Variants in MSRA observed in about 807,000 individuals in gnomAD.
MSRA encodes methionine sulfoxide reductase A.
A neutral mutation model predicts 31.3 loss-of-function variants in MSRA; 54 were observed. That is an observed-to-expected ratio of 1.73 (90% confidence interval 1.39 to 2.17). The LOEUF is 2.17. Among genes scored for constraint, MSRA ranks in the 30% most tolerant of loss-of-function variants. MSRA has a pLI of 0.00. For missense variants in MSRA, 507 were observed against 300.9 expected (o/e 1.69, Z -5.07); for synonymous variants, 169 against 116.5 (o/e 1.45, Z -2.90).
intron 4 of MSRA, among the ~76,000 whole-genome samples, chr8:10,316,275 A>G (rs1801707704): frequency 1.3e-5 from 2 of 151,616 alleles, no homozygotes; most frequent in South Asian, 4.2e-4. Flanking sequence ...TCGGAATAAT[A>G]GTGGTTAAGA....
At chr8:10,270,299 A>C (rs1798961637) in intron 3 of MSRA, among the ~76,000 whole-genome samples, 2 of 152,180 alleles carry the variant, frequency 1.3e-5, no homozygotes, top group Admixed American at 1.3e-4. Flanking sequence ...GCACAGAGCC[A>C]CAAAATGCCA....
intron 1 of MSRA, among the ~76,000 whole-genome samples, chr8:10,070,935 G>C (rs75498035): frequency 6.6e-6 from 1 of 152,280 alleles, no homozygotes; most frequent in Non-Finnish European, 1.5e-5. Flanking sequence ...GTCTTTGGCT[G>C]TTACGAGTGA....
chr8:10,269,730 A>G (rs926233469), intron 3 of MSRA, among the ~76,000 whole-genome samples: 2 of 152,104 alleles, frequency 1.3e-5, no homozygotes, highest in African/African-American at 4.8e-5. Flanking sequence ...GGCTCACTGC[A>G]AGCTCCACCT....
intron 1 of MSRA, among the ~76,000 whole-genome samples, chr8:10,111,427 C>G (rs1800271363): frequency 6.6e-6 from 1 of 152,092 alleles, no homozygotes; most frequent in East Asian, 1.9e-4. Flanking sequence ...CAATAGGATG[C>G]TAGGTTCTTG....
At chr8:10,305,646 T>C (rs1011486300) in intron 4 of MSRA, among the ~76,000 whole-genome samples, 4 of 152,208 alleles carry the variant, frequency 2.6e-5, no homozygotes, top group Admixed American at 2.6e-4. Context: ...ACTCCTGACC[T>C]CATGATTCGC....
At chr8:10,073,120 G>C (rs1156374391) in intron 1 of MSRA, among the ~76,000 whole-genome samples, 3 of 151,926 alleles carry the variant, frequency 2.0e-5, no homozygotes, top group African/African-American at 7.3e-5. Flanking sequence ...TTAAATAAAA[G>C]TAGTGATCTG....
chr8:10,378,741 C>T (rs1032820648), intron 5 of MSRA, among the ~76,000 whole-genome samples: 1 of 152,232 alleles, frequency 6.6e-6, no homozygotes, highest in Non-Finnish European at 1.5e-5. Flanking sequence ...GGGCTCCACC[C>T]CAGAACTTCT....
At chr8:10,224,901 C>T (rs985151657) in intron 2 of MSRA, among the ~76,000 whole-genome samples, 6 of 152,136 alleles carry the variant, frequency 3.9e-5, no homozygotes, top group African/African-American at 1.4e-4. Flanking sequence ...CCTGTAATGC[C>T]AGTACTTTGG....
chr8:10,231,951 G>A (rs1016070809), intron 2 of MSRA, among the ~76,000 whole-genome samples: 15 of 152,070 alleles, frequency 9.9e-5, no homozygotes, highest in Admixed American at 2.6e-4. Context: ...ACAGGAAAGC[G>A]TGAAGTGTAT....
At chr8:10,351,207 C>T (rs552157714) in intron 5 of MSRA, among the ~76,000 whole-genome samples, 2 of 141,614 alleles carry the variant, frequency 1.4e-5, no homozygotes, top group Admixed American at 7.1e-5. Context: ...CCAAAAACAT[C>T]ATGTAATGAA....
At chr8:10,074,058 CTTTTTTTTTTTTT>C (rs534642712) in intron 1 of MSRA, among the ~76,000 whole-genome samples, 56 of 29,424 alleles carry the variant, frequency 1.9e-3, no homozygotes, top group East Asian at 0.012. Context: ...AAGGGAGGTG[CTTTTTTTTTTTTT>C]TTTTTTTTTT....
intron 1 of MSRA, among the ~76,000 whole-genome samples, chr8:10,055,715 T>C (rs965399389): frequency 2.0e-5 from 3 of 152,266 alleles, no homozygotes; most frequent in South Asian, 4.1e-4. Flanking sequence ...AAAATTTCCT[T>C]AGAAGTTTCT....
intron 5 of MSRA, among the ~76,000 whole-genome samples, chr8:10,418,216 A>T (rs1416308973): frequency 6.6e-6 from 1 of 152,166 alleles, no homozygotes; most frequent in African/African-American, 2.4e-5. Context: ...GGTGTAGGGG[A>T]TGGGGATTGC....
At chr8:10,294,656 G>A (rs1296320455) in intron 3 of MSRA, among the ~76,000 whole-genome samples, 1 of 152,172 alleles carries the variant, frequency 6.6e-6, no homozygotes, top group Non-Finnish European at 1.5e-5. Context: ...GGCAGTCTAT[G>A]GCTGGTAGGG....
At chr8:10,141,342 G>T (rs992458992) in intron 1 of MSRA, among the ~76,000 whole-genome samples, 9 of 152,134 alleles carry the variant, frequency 5.9e-5, no homozygotes, top group Non-Finnish European at 1.0e-4. Flanking sequence ...AAGTTTCCAT[G>T]ACTTGTGTGA....
intron 1 of MSRA, among the ~76,000 whole-genome samples, chr8:10,150,141 AG>A: frequency 6.6e-6 from 1 of 151,980 alleles, no homozygotes; most frequent in Non-Finnish European, 1.5e-5. Context: ...AGAAGTTCTA[AG>A]GGGGTAATCG....
chr8:10,063,477 C>G (rs57068621), intron 1 of MSRA, among the ~76,000 whole-genome samples: 4,768 of 152,300 alleles, frequency 0.031, 178 homozygotes, highest in African/African-American at 0.091. Flanking sequence ...AGGCTGGCTC[C>G]TGCTCTGAGC....
intron 3 of MSRA, among the ~76,000 whole-genome samples, chr8:10,288,854 G>A (rs1170110265): frequency 6.6e-6 from 1 of 152,152 alleles, no homozygotes; most frequent in African/African-American, 2.4e-5. Context: ...CAACTATAAT[G>A]TGGCTAATGT....
chr8:10,344,203 G>T (rs536742668), intron 5 of MSRA, among the ~76,000 whole-genome samples: 1 of 152,164 alleles, frequency 6.6e-6, no homozygotes, highest in African/African-American at 2.4e-5. Context: ...TGTGATCGAG[G>T]CAAGTGCCTT....
Sources: allele counts gnomAD v4.1 joint callset (sites outside exome capture counted in the v4.1 genomes callset), GRCh38; gene constraint gnomAD v4.1.1; transcripts MANE v1.5; gene names NCBI Gene and HGNC (gene_info 2026-07-23, HGNC 2026-07-21).